The following FSTL3 variants were observed in gnomAD, a reference collection of about 807,000 sequenced individuals.
FSTL3 encodes the protein follistatin-related protein 3.
In FSTL3, 21 loss-of-function variants were observed where a neutral mutation model predicts 28.1. The observed-to-expected ratio is 0.75, with a 90% CI of 0.53 to 1.08. The LOEUF is 1.08. Among genes scored for constraint, FSTL3 ranks in the 50% least tolerant of loss-of-function variants. The pLI, the probability that FSTL3 is intolerant of heterozygous loss-of-function variation, is 0.00. For synonymous variants in FSTL3, 199 were observed against 164.2 expected, an observed-to-expected ratio of 1.21 and a Z score of -1.62; for missense variants, 400 against 380.9, an observed-to-expected ratio of 1.05 and a Z score of -0.42.
chr19:677,398 T>C (rs1391323948), intron 1 of FSTL3, among the ~76,000 whole-genome samples: 1 of 152,074 alleles, frequency 6.6e-6, no homozygotes, highest in Non-Finnish European at 1.5e-5. Context: ...CCTCGGGTGC[T>C]GTCTAGACAG....
rs929146070 is a variant in FSTL3, at chr19:682,770, G to A, written c.*1062G>A. The A allele has an allele frequency of 1.3e-5, 3 of 233,048 alleles. No individual in the cohort carries two copies. Among genetic ancestry groups the A allele is most frequent in the African/African-American group, 4.4e-5 (2 of 45,314 alleles). 14.4% of individuals were successfully genotyped at this position (233,048 alleles called of 1,614,324 possible). ...CAGCTCAGAGCAGGGCACTGTGTCC[G>A]GCGGAGCCAAGTCCACTCTGGGGGA... On this transcript the variant is annotated 3_prime_UTR_variant, in exon 5 of 5. Transcript: ENST00000166139.
At position 682,719 on chromosome 19, in the gene FSTL3, G is replaced by A; in HGVS notation, c.*1011G>A. 1 of 233,332 alleles carries A rather than the reference G, an allele frequency of 4.3e-6. No individual in the cohort carries two copies. The highest frequency in any genetic ancestry group is 6.0e-5 in the East Asian group (1 of 16,580). 14.5% of individuals were successfully genotyped at this position (233,332 alleles called of 1,614,324 possible). ...GTCAGTTCATGAGGCAACGTCGCGT[G>A]GTCTCAGACGTGGAGCAGCCAGCGG... On this transcript the variant is annotated 3_prime_UTR_variant, in exon 5 of 5. Coordinates refer to ENST00000166139, the MANE Select transcript of FSTL3 (RefSeq NM_005860.3).
intron 2 of FSTL3, 40 bp downstream of exon 2, chr19:678,017 C>G (rs757192842): frequency 1.3e-6 from 2 of 1,571,284 alleles, no homozygotes; most frequent in Non-Finnish European, 1.7e-6. Context: ...CGTCTCAGCT[C>G]AGGACCAGCC....
chr19:677,444 T>C (rs2031236956), intron 1 of FSTL3, among the ~76,000 whole-genome samples: 1 of 151,906 alleles, frequency 6.6e-6, no homozygotes, highest in Non-Finnish European at 1.5e-5. Context: ...CAGGGCCTGC[T>C]GACCCTGACA....
chr19:680,128 C>G (rs1477159846), intron 2 of FSTL3, 146 bp from the exon 3 acceptor site: 2 of 389,426 alleles, frequency 5.1e-6, no homozygotes, highest in East Asian at 8.9e-5. Context: ...ACCCGAGGGC[C>G]CCGACTCCGA....
At chr19:677,265 C>T (rs938670487) in intron 1 of FSTL3, among the ~76,000 whole-genome samples, 3 of 152,344 alleles carry the variant, frequency 2.0e-5, no homozygotes, top group South Asian at 2.1e-4. Flanking sequence ...GCCCCCTCCC[C>T]GAAGGCCACG....
At chr19:676,924 C>T (rs1020335762) in intron 1 of FSTL3, among the ~76,000 whole-genome samples, 7 of 152,048 alleles carry the variant, frequency 4.6e-5, no homozygotes, top group African/African-American at 1.2e-4. Context: ...TGCTGGGTGT[C>T]GGGAGCCAGG....
At position 681,460 on chromosome 19, in the gene FSTL3, C is replaced by T. The variant is rs762911974; in HGVS notation, c.633C>T (p.Cys211=). The T allele has an allele frequency of 7.5e-6, 12 of 1,600,514 alleles. No individual in the cohort carries two copies. The highest frequency in any genetic ancestry group is 9.3e-6 in the Non-Finnish European group (11 of 1,179,582). The change falls in exon 4 of 5, where the codon TGC becomes TGT. Residue 211 remains cysteine, a synonymous_variant. Transcript: ENST00000166139. ...CCTCCAGCCCCGGCCAGGAGCTTTG[C>T]GGCAACAACAACGTCACCTACATCT... is the stretch of plus-strand genomic sequence containing the variant. ...PVPSSPGQEL[C]GNNNVTYISS...
intron 2 of FSTL3, among the ~76,000 whole-genome samples, chr19:679,234 C>A (rs1010522584): frequency 6.6e-6 from 1 of 152,172 alleles, no homozygotes; most frequent in Middle Eastern, 3.2e-3. Flanking sequence ...CGTTCTCGCT[C>A]GCATAAAAGC....
At chr19:679,306 G>T (rs572925516) in intron 2 of FSTL3, among the ~76,000 whole-genome samples, 1 of 152,170 alleles carries the variant, frequency 6.6e-6, no homozygotes, top group Admixed American at 6.5e-5. Context: ...GCCCAGGTGC[G>T]GCCCACATGC....
chr19:681,496 C>G lies in FSTL3; in HGVS notation c.669C>G (p.His223Gln). The part of the protein sequence containing the change: ...NNNVTYISSC[H>Q]MRQATCFLGR... Reference sequence around the variant, plus strand: ...ACGTCACCTACATCTCCTCGTGCCACATGCGCCAGGCCACCTGCTTCCTGG... The same window carrying G: ...ACGTCACCTACATCTCCTCGTGCCAGATGCGCCAGGCCACCTGCTTCCTGG... The change falls in exon 4 of 5, where the codon CAC becomes CAG. Residue 223 changes from histidine to glutamine, a missense_variant. Physicochemically the swap from His to Gln is conservative, Grantham distance 24. Transcript: ENST00000166139. 6.2e-7 allele frequency: 1 copy of G among 1,604,826 alleles called. No individual in the cohort carries two copies. Among genetic ancestry groups the G allele is most frequent in the African/African-American group, 1.3e-5 (1 of 75,016 alleles).
At chr19:679,231 G>A (rs892509408) in intron 2 of FSTL3, among the ~76,000 whole-genome samples, 17 of 151,954 alleles carry the variant, frequency 1.1e-4, no homozygotes, top group African/African-American at 3.1e-4. Flanking sequence ...TTCCGTTCTC[G>A]CTCGCATAAA....
intron 3 of FSTL3, 127 bp downstream of exon 3, chr19:680,616 A>T (rs1372233853): frequency 1.1e-5 from 5 of 457,570 alleles, no homozygotes; most frequent in East Asian, 1.0e-4. Flanking sequence ...CCTGAGCGTG[A>T]CGTATCGGGG....
At position 680,381 on chromosome 19, in the gene FSTL3, C is replaced by T; in HGVS notation, c.397C>T (p.Gln133Ter). The T allele has an allele frequency of 7.8e-7, 1 of 1,279,660 alleles. No homozygotes were observed. The highest frequency in any genetic ancestry group is 2.6e-5 in the South Asian group (1 of 38,396). 79.3% of individuals were successfully genotyped at this position (1,279,660 alleles called of 1,614,324 possible). The change falls in exon 3 of 5, where the codon CAG becomes TAG. Residue 133 changes from glutamine to a stop codon, truncating the protein, a stop_gained. Transcript: ENST00000166139. LOFTEE classifies it high-confidence loss of function. ...CTGCTCGGGGCTCCCGGCGCGGCTG[C>T]AGGTCTGCGGCTCAGACGGCGCCAC... ...PDCSGLPARL[Q>*]VCGSDGATYR...
At chr19:679,743 TG>T (rs1167124532) in intron 2 of FSTL3, among the ~76,000 whole-genome samples, 1 of 152,032 alleles carries the variant, frequency 6.6e-6, no homozygotes, top group Non-Finnish European at 1.5e-5. Context: ...CCTAGGGCTG[TG>T]GGGGGCCCCC....
chr19:680,778 A>G, intron 3 of FSTL3: 1 of 318,652 alleles, frequency 3.1e-6, no homozygotes. Flanking sequence ...GGCCTGAGTA[A>G]GGGCGTCTTT....
chr19:680,298 GC>G lies in FSTL3; in HGVS notation c.317del (p.Pro106ArgfsTer54). 2.3e-6 allele frequency: 3 copies of G among 1,308,988 alleles called. No individual in the cohort carries two copies. Among genetic ancestry groups the G allele is most frequent in the Non-Finnish European group, 2.9e-6 (3 of 1,032,416 alleles). 81.1% of individuals were successfully genotyped at this position (1,308,988 alleles called of 1,614,324 possible). A position where few individuals can be genotyped will look rare whatever the true frequency, so the allele number is the denominator to read the frequency against. On this transcript the variant is annotated frameshift_variant, in exon 3 of 5. Transcript: ENST00000166139. LOFTEE classifies it high-confidence loss of function. ...CKDSCDGVEC[G>X]PGKACRMLGG... ...GATTCGTGCGACGGCGTGGAGTGCGGCCCGGGCAAGGCGTGCCGCATGCTGG... is the reference window on the plus strand; with the variant it reads ...GATTCGTGCGACGGCGTGGAGTGCGGCCGGGCAAGGCGTGCCGCATGCTGG...
Position 682,896 on chromosome 19 carries a change from G to A in FSTL3, c.*1188G>A, listed in dbSNP as rs1260658182. ...GTGACATCCGGAGTCCTGGAGCCGG[G>A]TGTCCCAGTGGCACCACTAGGTGCC... On this transcript the variant is annotated 3_prime_UTR_variant, in exon 5 of 5. Coordinates refer to ENST00000166139, the MANE Select transcript of FSTL3 (RefSeq NM_005860.3). The A allele has an allele frequency of 1.3e-5, 3 of 232,560 alleles. No individual in the cohort carries two copies. Among genetic ancestry groups the A allele is most frequent in the Admixed American group, 5.6e-5 (1 of 17,752 alleles). 14.4% of individuals were successfully genotyped at this position (232,560 alleles called of 1,614,324 possible).
rs2031247461 is a variant in FSTL3, at chr19:677,965, C to A, written c.277C>A (p.Leu93Ile). ...CGGCTTCTTGGGCCTTGTCCACTGC[C>A]TTCCCTGCAAAGGTGAGACCTCAGG... ...LLGFLGLVHC[L>I]PCKDSCDGVE... The change falls in exon 2 of 5, where the codon CTT becomes ATT. Residue 93 changes from leucine to isoleucine, a missense_variant. By Grantham distance (5) the Leu-to-Ile change is conservative. Coordinates refer to ENST00000166139, the MANE Select transcript of FSTL3 (RefSeq NM_005860.3). 2 of 1,612,884 alleles carry A rather than the reference C, an allele frequency of 1.2e-6. No individual in the cohort carries two copies. The highest frequency in any genetic ancestry group is 2.7e-5 in the African/African-American group (2 of 74,926).
Sources: allele counts gnomAD v4.1 joint callset (sites outside exome capture counted in the v4.1 genomes callset), GRCh38; gene constraint gnomAD v4.1.1; transcripts MANE v1.5; gene names NCBI Gene and HGNC (gene_info 2026-07-23, HGNC 2026-07-21).